PAX8: variants seen among roughly 807,000 people sequenced by gnomAD.
The protein encoded by PAX8 is paired box 8, also known as paired box protein Pax-8.
Under a neutral mutation model 52.4 loss-of-function variants are expected in PAX8, and 15 were observed. The observed-to-expected ratio is 0.29, with a 90% CI of 0.19 to 0.44. The LOEUF is 0.44. PAX8 is among the 20% of genes least tolerant of loss of function. The pLI is 1.00. For synonymous variants in PAX8, 284 were observed against 249.7 expected (o/e 1.14, Z -1.29); for missense variants, 554 against 602.5 (o/e 0.92, Z 0.84).
chr2:113,254,728 C>A (rs532075227), intron 2 of PAX8, among the ~76,000 whole-genome samples: 14 of 152,326 alleles, frequency 9.2e-5, no homozygotes, highest in African/African-American at 3.4e-4. Context: ...CTGTCTGAGC[C>A]TTGAACCTGA....
chr2:113,261,822 G>C (rs1020392775), intron 2 of PAX8, among the ~76,000 whole-genome samples: 6 of 144,082 alleles, frequency 4.2e-5, no homozygotes, highest in Non-Finnish European at 7.7e-5. Context: ...AAGATTTTAG[G>C]TTTTTTTTTT....
intron 9 of PAX8, among the ~76,000 whole-genome samples, chr2:113,232,473 T>A (rs1005925892): frequency 6.6e-6 from 1 of 152,224 alleles, no homozygotes; most frequent in South Asian, 2.1e-4. Flanking sequence ...TGGGCCTGGA[T>A]TGGGGGCCAC....
chr2:113,268,801 C>G (rs1447162514), intron 2 of PAX8: 3 of 152,408 alleles, frequency 2.0e-5, no homozygotes, highest in African/African-American at 7.2e-5. Flanking sequence ...TGGCCCCCAG[C>G]CAGGCCCTGA....
chr2:113,225,890 A>G, intron 10 of PAX8: 1 of 980,888 alleles, frequency 1.0e-6, no homozygotes, highest in Non-Finnish European at 1.2e-6. Flanking sequence ...TAAAAAAATA[A>G]CCGAATCTTT....
At chr2:113,241,358 G>A (rs561461067) in intron 7 of PAX8, 193 bp downstream of exon 7, 344 of 685,626 alleles carry the variant, frequency 5.0e-4, no homozygotes, top group Non-Finnish European at 5.8e-4. Context: ...AGCCAGGAGG[G>A]TTAGAAAGGG....
At chr2:113,241,137 A>C in intron 7 of PAX8, 1 of 340,378 alleles carries the variant, frequency 2.9e-6, no homozygotes. Context: ...GGCCATGAGT[A>C]ATGCAAGAGC....
In PAX8 at chr2:113,278,706, T is replaced by G. The variant is rs372517108; in HGVS notation, c.-76+125A>C. The G allele has an allele frequency of 2.8e-4, 175 of 625,820 alleles. 1 individual carries two copies. In the East Asian group the frequency reaches 4.8e-3, roughly 17 times the overall value. 38.8% of individuals were successfully genotyped at this position (625,820 alleles called of 1,614,324 possible). The stretch of plus-strand genomic sequence containing the variant: ...CAACCTCCGTGCCCACTCCCTCCGC[T>G]GTCCCAGTCTTATCCCGTTTAACTT... On this transcript the variant is annotated intron_variant, in intron 1 of 11. Coordinates refer to ENST00000429538, the MANE Select transcript of PAX8 (RefSeq NM_003466.4).
At chr2:113,247,057 C>A in intron 2 of PAX8, 138 bp from the exon 3 acceptor site, 2 of 763,318 alleles carry the variant, frequency 2.6e-6, no homozygotes, top group South Asian at 1.5e-5. Context: ...GCCCTGTGGG[C>A]CCCTCTGCAC....
intron 2 of PAX8, among the ~76,000 whole-genome samples, chr2:113,277,060 A>C (rs1268321923): frequency 6.6e-6 from 1 of 152,154 alleles, no homozygotes; most frequent in Non-Finnish European, 1.5e-5. Flanking sequence ...GGTGCCAGGG[A>C]GCTCTGCTCG....
chr2:113,267,267 G>C (rs972146641), intron 2 of PAX8: 7 of 152,374 alleles, frequency 4.6e-5, no homozygotes, highest in African/African-American at 1.7e-4. Context: ...GATGAGTCCT[G>C]CCGCTACTGC....
chr2:113,223,469 T>C (rs1689375417), intron 10 of PAX8, among the ~76,000 whole-genome samples: 1 of 152,216 alleles, frequency 6.6e-6, no homozygotes, highest in Non-Finnish European at 1.5e-5. Flanking sequence ...CTATGTACAA[T>C]TCATTTTCCT....
chr2:113,260,442 T>A (rs536992352), intron 2 of PAX8, among the ~76,000 whole-genome samples: 1 of 151,970 alleles, frequency 6.6e-6, no homozygotes, highest in Non-Finnish European at 1.5e-5. Flanking sequence ...CTCAAAGTTA[T>A]AATACTATAA....
intron 4 of PAX8, among the ~76,000 whole-genome samples, chr2:113,243,958 G>A (rs1409422622): frequency 6.6e-6 from 1 of 152,226 alleles, no homozygotes; most frequent in African/African-American, 2.4e-5. Context: ...TGGGCTTTGT[G>A]TGTCCCAGGG....
chr2:113,246,679 C>T, intron 3 of PAX8, 75 bp downstream of exon 3: 3 of 1,527,154 alleles, frequency 2.0e-6, no homozygotes, highest in Non-Finnish European at 2.7e-6. Context: ...GAGGGGAATT[C>T]TCTAGCTGCC....
chr2:113,277,803 G>T (rs759299283), intron 2 of PAX8, among the ~76,000 whole-genome samples: 2 of 152,190 alleles, frequency 1.3e-5, no homozygotes, highest in Non-Finnish European at 2.9e-5. Flanking sequence ...GACGCCCCGC[G>T]CGCGGCGCCC....
At chr2:113,231,064 G>A (rs1448301951) in intron 9 of PAX8, among the ~76,000 whole-genome samples, 2 of 152,234 alleles carry the variant, frequency 1.3e-5, no homozygotes, top group Non-Finnish European at 2.9e-5. Flanking sequence ...GGAATTCAGA[G>A]GGTAGAGGTG....
At chr2:113,230,093 G>A (rs1689799147) in intron 9 of PAX8, among the ~76,000 whole-genome samples, 2 of 152,302 alleles carry the variant, frequency 1.3e-5, no homozygotes, top group South Asian at 2.1e-4. Context: ...CTGATTGGCT[G>A]GTAGGGACCT....
Position 113,278,516 on chromosome 2 carries a change from C to G in PAX8, c.-75-47G>C, listed in dbSNP as rs1230084510. ...GCATGAGATGCGATGAGATTCGATG[C>G]CTGCATCCTCAGGCCCCCTCCCCAG... On this transcript the variant is annotated intron_variant, in intron 1 of 11. Transcript: ENST00000429538. 6.9e-6 allele frequency: 10 copies of G among 1,439,230 alleles called. No individual in the cohort carries two copies. In the Admixed American group the frequency reaches 9.4e-5, roughly 13 times the overall value. 89.2% of individuals were successfully genotyped at this position (1,439,230 alleles called of 1,614,324 possible).
chr2:113,229,883 G>A (rs1296637015), intron 9 of PAX8, among the ~76,000 whole-genome samples: 4 of 152,110 alleles, frequency 2.6e-5, no homozygotes, highest in Non-Finnish European at 5.9e-5. Context: ...GGAAGAAGGT[G>A]GTGGCGGATT....
Sources: allele counts gnomAD v4.1 joint callset (sites outside exome capture counted in the v4.1 genomes callset), GRCh38; gene constraint gnomAD v4.1.1; transcripts MANE v1.5; gene names NCBI Gene and HGNC (gene_info 2026-07-23, HGNC 2026-07-21).